The following HSPD1 variants were observed in gnomAD, a reference collection of about 807,000 sequenced individuals.
HSPD1 encodes the protein 60 kDa heat shock protein, mitochondrial.
A neutral mutation model predicts 53.0 loss-of-function variants in HSPD1; 3 were observed. That is an observed-to-expected ratio of 0.06 (90% CI 0.03 to 0.15). The LOEUF (loss-of-function observed/expected upper bound fraction) is 0.15. Ranked by LOEUF, HSPD1 falls within the 10% of genes least tolerant of loss-of-function variation. HSPD1 has a pLI of 1.00. For missense variants in HSPD1, 431 were observed against 694.1 expected, an observed-to-expected ratio of 0.62 and a Z score of 4.26; for synonymous variants, 200 against 228.0, an observed-to-expected ratio of 0.88 and a Z score of 1.10.
chr2:197,489,123 G>A lies in HSPD1; in HGVS notation c.1094C>T (p.Ala365Val), dbSNP rs1276806626. The A allele has an allele frequency of 6.2e-7, 1 of 1,613,966 alleles. No homozygotes were observed. The change falls in exon 9 of 12, where the codon GCT (alanine) becomes GTT (valine). Residue 365 changes from alanine (A) to valine (V), a missense_variant. Coordinates refer to ENST00000388968, the MANE Select transcript of HSPD1 (RefSeq NM_002156.5). ...TTCTTGAATACGTTTTTCAATTTGAGCCTTGTCACCTTTTCCTTTTAAGAG... is the reference window on the plus strand; with the variant it reads ...TTCTTGAATACGTTTTTCAATTTGAACCTTGTCACCTTTTCCTTTTAAGAG... The part of the protein sequence containing the change: ...AMLLKGKGDK[A>V]QIEKRIQEII...
intron 7 of HSPD1, among the ~76,000 whole-genome samples, chr2:197,492,710 AAAAAAT>A (rs1375777861): frequency 1.3e-5 from 2 of 151,826 alleles, no homozygotes; most frequent in African/African-American, 4.8e-5. Flanking sequence ...AAATAAAAAT[AAAAAAT>A]AAAAAAATTA....
intron 7 of HSPD1, chr2:197,490,666 T>C: frequency 3.8e-6 from 1 of 261,042 alleles, no homozygotes; most frequent in Non-Finnish European, 7.5e-6. Context: ...CTGTCTCTAC[T>C]GAAAATAACA....
In HSPD1 at chr2:197,498,683, C is replaced by CG; in HGVS notation, c.165_166insC (p.Gly56ArgfsTer10). On this transcript the variant is annotated frameshift_variant, in exon 2 of 12. Coordinates refer to ENST00000388968, the MANE Select transcript of HSPD1 (RefSeq NM_002156.5). LOFTEE classifies it high-confidence loss of function. ...AATAAAAATACTGGTACCTTTGGCC[C>CG]CATTGTAACGGCCACAGCATCGGCT... The CG allele has an allele frequency of 6.2e-7, 1 of 1,613,694 alleles. No homozygotes were observed. The highest frequency in any genetic ancestry group is 1.1e-5 in the South Asian group (1 of 91,072).
At chr2:197,491,368 G>C (rs1034599732) in intron 7 of HSPD1, among the ~76,000 whole-genome samples, 1 of 151,868 alleles carries the variant, frequency 6.6e-6, no homozygotes, top group Non-Finnish European at 1.5e-5. Flanking sequence ...CACCGTATTA[G>C]CCAGGATGGT....
intron 3 of HSPD1, among the ~76,000 whole-genome samples, chr2:197,495,765 C>T (rs2086149578): frequency 6.6e-6 from 1 of 151,990 alleles, no homozygotes; most frequent in Non-Finnish European, 1.5e-5. Context: ...TCTTTAGTGC[C>T]TTAATATTAA....
At position 197,487,911 on chromosome 2, in the gene HSPD1, T is replaced by C. The variant is rs1251844298; in HGVS notation, c.1516A>G (p.Met506Val). 5.6e-6 allele frequency: 9 copies of C among 1,613,696 alleles called. No homozygotes were observed. The African/African-American group carries it at 1.1e-4, about 19-fold the overall frequency. The part of the protein sequence containing the change: ...QSSSEVGYDA[M>V]AGDFVNMVEK... ...ACCATATTCACAAAATCTCCAGCCA[T>C]AGCATCATAACCAACTTCTGAGGAA... The change falls in exon 11 of 12, where the codon ATG becomes GTG. Residue 506 changes from methionine (M) to valine (V), a missense_variant. Transcript: ENST00000388968.
rs1169864843 is a variant in HSPD1 at position 197,489,072 on chromosome 2, G to A, written c.1145C>T (p.Thr382Ile). ...QEIIEQLDVT[T>I]SEYEKEKLNE... is the part of the protein sequence containing the mutation. ...CAGTTTTTCCTTTTCATATTCACTAGTTGTGACATCTAACTGCTCAATGAT... is the reference window on the plus strand; with the variant it reads ...CAGTTTTTCCTTTTCATATTCACTAATTGTGACATCTAACTGCTCAATGAT... Residue 382 changes from threonine (T) to isoleucine (I), a missense_variant, in exon 9 of 12, where the codon ACT becomes ATT. Transcript: ENST00000388968. 1.2e-6 allele frequency: 2 copies of A among 1,613,712 alleles called. No homozygotes were observed. The highest frequency in any genetic ancestry group is 1.7e-6 in the Non-Finnish European group (2 of 1,179,700).
In HSPD1 at chr2:197,488,997, G is replaced by A. The variant is rs1205953948; in HGVS notation, c.1215+5C>T. Reference sequence around the variant, plus strand: ...AAGAAACTTATTCATAATAATGAATGTTACCTTCAGCACAGCCACTCCATC... The same window carrying A: ...AAGAAACTTATTCATAATAATGAATATTACCTTCAGCACAGCCACTCCATC... On this transcript the variant is annotated splice_donor_5th_base_variant and intron_variant, in intron 9 of 11. Transcript: ENST00000388968. 6.2e-7 allele frequency: 1 copy of A among 1,613,902 alleles called. No homozygotes were observed. The highest frequency in any genetic ancestry group is 1.7e-5 in the Admixed American group (1 of 60,024).
intron 11 of HSPD1, 75 bp from the exon 12 acceptor site, chr2:197,487,273 C>T (rs1189823565): frequency 1.5e-6 from 2 of 1,328,980 alleles, no homozygotes; most frequent in Non-Finnish European, 2.1e-6. Flanking sequence ...TCTGTCTGGG[C>T]ATGGTGGCTC....
intron 1 of HSPD1, 158 bp from the exon 2 acceptor site, chr2:197,499,008 G>T: frequency 1.4e-6 from 1 of 734,866 alleles, no homozygotes; most frequent in Non-Finnish European, 2.4e-6. Flanking sequence ...CCGCAGCTTC[G>T]GAACATCAGC....
intron 4 of HSPD1, 91 bp from the exon 5 acceptor site, chr2:197,494,843 A>C: frequency 1.2e-6 from 1 of 839,002 alleles, no homozygotes; most frequent in Non-Finnish European, 2.1e-6. Flanking sequence ...TTCCAAATTG[A>C]TACTTCCATC....
intron 6 of HSPD1, 35 bp downstream of exon 6, chr2:197,494,122 A>AAAT: frequency 1.0e-6 from 1 of 983,962 alleles, no homozygotes; most frequent in Admixed American, 1.7e-5. Flanking sequence ...AAAATAATAA[A>AAAT]AATAATAATA....
chr2:197,486,789 C>G lies in HSPD1; in HGVS notation c.*257G>C. 4.3e-6 allele frequency: 2 copies of G among 460,386 alleles called. No homozygotes were observed. The highest frequency in any genetic ancestry group is 4.3e-5 in the South Asian group (2 of 46,596). 28.5% of individuals were successfully genotyped at this position (460,386 alleles called of 1,614,324 possible). The stretch of plus-strand genomic sequence containing the variant: ...GAAAGCAGTACACTGGTACATGGCT[C>G]TTGTACCCAGTATCAGGAATGTACA... On this transcript the variant is annotated 3_prime_UTR_variant, in exon 12 of 12. Transcript: ENST00000388968.
intron 4 of HSPD1, 185 bp from the exon 5 acceptor site, chr2:197,494,937 C>A (rs113884444): frequency 1.6e-6 from 1 of 631,228 alleles, no homozygotes; most frequent in African/African-American, 1.8e-5. Context: ...TATTTGACTA[C>A]ATTGTTTTGA....
rs1278430547 is a variant in HSPD1, at chr2:197,488,987, A to C, written c.1215+15T>G. 1 of 1,613,302 alleles carries C rather than the reference A, an allele frequency of 6.2e-7. No homozygotes were observed. The highest frequency in any genetic ancestry group is 2.2e-5 in the East Asian group (1 of 44,880). On this transcript the variant is annotated intron_variant, in intron 9 of 11. Transcript: ENST00000388968. Reference sequence around the variant, plus strand: ...CTCAGAACCCAAGAAACTTATTCATAATAATGAATGTTACCTTCAGCACAG... The same window carrying C: ...CTCAGAACCCAAGAAACTTATTCATCATAATGAATGTTACCTTCAGCACAG...
chr2:197,488,869 A>G, intron 9 of HSPD1, 133 bp downstream of exon 9: 1 of 1,093,198 alleles, frequency 9.1e-7, no homozygotes, highest in South Asian at 1.3e-5. Context: ...AAAACAAAAC[A>G]AACAAAATTC....
rs2086221173 is a variant in HSPD1, at chr2:197,499,810, G to C, written c.-31C>G. 1 of 152,260 alleles carries C rather than the reference G, an allele frequency of 6.6e-6. No homozygotes were observed. The highest frequency in any genetic ancestry group is 1.5e-5 in the Non-Finnish European group (1 of 68,050). The allele number at this position is 152,260 out of a possible 1,614,324, so 9.4% of individuals were successfully genotyped here. On this transcript the variant is annotated 5_prime_UTR_variant, in exon 1 of 12. Transcript: ENST00000388968. ...CGGGGCGGCGGCAAGGCGTGCGCTC[G>C]GCGAGACAGGTCGTCGGCGGCGAGT...
rs759437752 is a variant in HSPD1 at position 197,498,714 on chromosome 2, G to A, written c.135C>T (p.Asp45=). 6 of 1,614,066 alleles carry A rather than the reference G, an allele frequency of 3.7e-6. No homozygotes were observed. Among genetic ancestry groups the A allele is most frequent in the Admixed American group, 1.7e-5 (1 of 60,010 alleles). The change falls in exon 2 of 12, where the codon GAC becomes GAT. Residue 45 remains aspartate, a synonymous_variant. Transcript: ENST00000388968. ...TAACGGCCACAGCATCGGCTAAAAGGTCTACACCTTGAAGCATTAAGGCTC... is the reference window on the plus strand; with the variant it reads ...TAACGGCCACAGCATCGGCTAAAAGATCTACACCTTGAAGCATTAAGGCTC... The part of the protein sequence containing the change: ...DARALMLQGV[D]LLADAVAVTM...
At chr2:197,491,685 T>A (rs1574598988) in intron 7 of HSPD1, among the ~76,000 whole-genome samples, 1 of 152,198 alleles carries the variant, frequency 6.6e-6, no homozygotes, top group African/African-American at 2.4e-5. Context: ...TGCCCTTAGA[T>A]TGTCTGCAGC....
Sources: allele counts gnomAD v4.1 joint callset (sites outside exome capture counted in the v4.1 genomes callset), GRCh38; gene constraint gnomAD v4.1.1; transcripts MANE v1.5; gene names NCBI Gene and HGNC (gene_info 2026-07-23, HGNC 2026-07-21).